The following TENM3 variants were observed in gnomAD, a reference collection of about 807,000 sequenced individuals.
TENM3 encodes the protein teneurin transmembrane protein 3.
TENM3 carries 63 observed loss-of-function variants against 255.1 expected under a neutral mutation model. The observed-to-expected ratio is 0.25, with a 90% CI of 0.20 to 0.30. TENM3 has a LOEUF of 0.30. Ranked by LOEUF, TENM3 falls within the 10% of genes least tolerant of loss-of-function variation. The pLI is 1.00. For missense variants in TENM3, 2,929 were observed against 3,461.1 expected (o/e 0.85, Z 3.86); for synonymous variants, 1,306 against 1,322.3 (o/e 0.99, Z 0.27).
intron 22 of TENM3, among the ~76,000 whole-genome samples, chr4:182,769,975 G>A (rs1318513513): frequency 2.0e-5 from 3 of 149,094 alleles, no homozygotes; most frequent in Admixed American, 6.7e-5. Flanking sequence ...GCGTGGTGGC[G>A]GGGGCCTCTA....
intron 3 of TENM3, among the ~76,000 whole-genome samples, chr4:182,446,802 C>A (rs1271152463): frequency 1.3e-5 from 2 of 152,106 alleles, no homozygotes; most frequent in African/African-American, 2.4e-5. Context: ...CAATTTAATT[C>A]TTCAAAGATT....
chr4:182,755,308 A>T, intron 22 of TENM3, 49 bp downstream of exon 22: 6 of 1,288,526 alleles, frequency 4.7e-6, no homozygotes, highest in Non-Finnish European at 6.3e-6. Context: ...GTGATATAAT[A>T]ATATCATCTA....
chr4:181,628,508 G>A, the TENM3 span, among the ~76,000 whole-genome samples: 2 of 152,148 alleles, frequency 1.3e-5, no homozygotes, highest in South Asian at 4.1e-4. Flanking sequence ...ATTAATTTTT[G>A]TATAAGGTGT....
At chr4:182,226,407 T>C (rs776752009) in intron 1 of TENM3, among the ~76,000 whole-genome samples, 1 of 152,194 alleles carries the variant, frequency 6.6e-6, no homozygotes, top group African/African-American at 2.4e-5. Flanking sequence ...ACTAATGGAA[T>C]GTAATGAGTT....
At chr4:181,478,899 C>T in the TENM3 span, among the ~76,000 whole-genome samples, 3 of 151,986 alleles carry the variant, frequency 2.0e-5, no homozygotes, top group South Asian at 2.1e-4. Flanking sequence ...AGAATTGAAA[C>T]GGGATTTAAT....
At chr4:182,607,384 A>G (rs770272616) in intron 4 of TENM3, among the ~76,000 whole-genome samples, 15 of 152,198 alleles carry the variant, frequency 9.9e-5, no homozygotes, top group Non-Finnish European at 1.9e-4. Context: ...CGCTTAACAA[A>G]AAGTAGGTGG....
chr4:181,896,793 G>A, the TENM3 span, among the ~76,000 whole-genome samples: 1 of 152,268 alleles, frequency 6.6e-6, no homozygotes, highest in Non-Finnish European at 1.5e-5. Flanking sequence ...GCCAGCCTCT[G>A]CCCAGATGCT....
At chr4:181,929,419 T>G in the TENM3 span, among the ~76,000 whole-genome samples, 1,002 of 149,326 alleles carry the variant, frequency 6.7e-3, 13 homozygotes, top group African/African-American at 0.023. Context: ...CCAGCAAAGA[T>G]CAGAAAAGAC....
At chr4:182,482,490 A>G (rs1396820499) in intron 3 of TENM3, among the ~76,000 whole-genome samples, 1 of 152,210 alleles carries the variant, frequency 6.6e-6, no homozygotes, top group Non-Finnish European at 1.5e-5. Context: ...TGCAACTATT[A>G]TTGTGGAATA....
At chr4:181,501,542 T>A in the TENM3 span, among the ~76,000 whole-genome samples, 1 of 152,116 alleles carries the variant, frequency 6.6e-6, no homozygotes, top group Non-Finnish European at 1.5e-5. Flanking sequence ...CACGTCTGGC[T>A]AATTGTTTTG....
chr4:181,888,511 TATATGTATATATATAC>T, the TENM3 span, among the ~76,000 whole-genome samples: 80 of 23,954 alleles, frequency 3.3e-3, 8 homozygotes, highest in African/African-American at 0.013. Context: ...TATATATATA[TATATGTATATATATAC>T]ATATATGTGT....
At chr4:181,729,647 G>A in the TENM3 span, among the ~76,000 whole-genome samples, 3 of 152,162 alleles carry the variant, frequency 2.0e-5, no homozygotes, top group African/African-American at 4.8e-5. Flanking sequence ...CCTCTTTCAC[G>A]TGACAGAGCA....
chr4:182,219,922 T>G (rs1755745172), intron 1 of TENM3, among the ~76,000 whole-genome samples: 1 of 152,228 alleles, frequency 6.6e-6, no homozygotes, highest in Admixed American at 6.5e-5. Context: ...TACTTAAAGC[T>G]GAATATTTAA....
chr4:181,605,563 A>G, the TENM3 span, among the ~76,000 whole-genome samples: 3 of 30,448 alleles, frequency 9.9e-5, 1 homozygote, highest in Admixed American at 4.9e-4. Context: ...AGAAAGAAAG[A>G]AAGAAAGAGA....
chr4:182,263,164 G>T (rs981278443), intron 1 of TENM3, among the ~76,000 whole-genome samples: 22 of 152,052 alleles, frequency 1.4e-4, no homozygotes, highest in African/African-American at 5.3e-4. Context: ...TGAGCCGCGG[G>T]GTCAGGGGTT....
the TENM3 span, among the ~76,000 whole-genome samples, chr4:181,844,221 C>T: frequency 5.2e-3 from 795 of 152,240 alleles, 3 homozygotes; most frequent in Non-Finnish European, 9.6e-3. Flanking sequence ...CATCTCTCAA[C>T]ACTGTTGCAT....
chr4:181,470,279 G>A, the TENM3 span, among the ~76,000 whole-genome samples: 1 of 152,126 alleles, frequency 6.6e-6, no homozygotes, highest in African/African-American at 2.4e-5. Flanking sequence ...GGTCTTTGTG[G>A]AGAATAAATT....
rs1176200216 is a variant in TENM3, at chr4:182,381,840, C to T, written c.511+34911C>T. Among the ~76,000 whole-genome samples, 6 of 152,116 alleles carry T rather than the reference C, an allele frequency of 3.9e-5. No homozygotes were observed. In the East Asian group the frequency reaches 9.6e-4, roughly 24 times the overall value. On this transcript the variant is annotated intron_variant, in intron 3 of 27. Coordinates refer to ENST00000511685, the MANE Select transcript of TENM3 (RefSeq NM_001080477.4). The stretch of plus-strand genomic sequence containing the variant: ...CCTCCCAAAGTGCTGGGATTACAGG[C>T]GTGAGCCACCACACCGGGCCTATAG...
the TENM3 span, among the ~76,000 whole-genome samples, chr4:181,665,788 CATTAA>C: frequency 1.3e-5 from 2 of 151,572 alleles, no homozygotes; most frequent in African/African-American, 4.8e-5. Flanking sequence ...TGGTAATAAT[CATTAA>C]ATTAAAAGCA....
Sources: gnomAD v4.1 joint callset for allele counts (sites outside exome capture counted in the v4.1 genomes callset) on GRCh38, gnomAD v4.1.1 for gene constraint, MANE v1.5 for transcripts, NCBI Gene and HGNC (gene_info 2026-07-23, HGNC 2026-07-21) for gene names.